The following DLGAP2 variants were observed in gnomAD, a reference collection of about 807,000 sequenced individuals.
The protein encoded by DLGAP2 is disks large-associated protein 2.
Under a neutral mutation model 100.3 loss-of-function variants are expected in DLGAP2, and 26 were observed. The ratio of observed to expected loss-of-function variants is 0.26; its 90% CI spans 0.19 to 0.36. The LOEUF is 0.36. Ranked by LOEUF, DLGAP2 falls within the 10% of genes least tolerant of loss-of-function variation. DLGAP2 has a pLI of 1.00. For synonymous variants in DLGAP2, 886 were observed against 630.1 expected (o/e 1.41, Z -6.08); for missense variants, 1,858 against 1,453.2 (o/e 1.28, Z -4.53).
intron 2 of DLGAP2, among the ~76,000 whole-genome samples, chr8:1,038,640 T>G (rs891880506): frequency 3.3e-5 from 5 of 152,256 alleles, no homozygotes; most frequent in Non-Finnish European, 7.3e-5. Context: ...GGTTAGCACT[T>G]TAATTTCACA....
At chr8:1,664,224 G>T (rs111415947) in intron 8 of DLGAP2, among the ~76,000 whole-genome samples, 2,142 of 152,196 alleles carry the variant, frequency 0.014, 19 homozygotes, top group South Asian at 0.023. Context: ...CCCTTCCTGT[G>T]GTGGCATCGG....
intron 3 of DLGAP2, among the ~76,000 whole-genome samples, chr8:1,318,555 G>A (rs1157993651): frequency 1.3e-5 from 2 of 151,098 alleles, no homozygotes; most frequent in Non-Finnish European, 2.9e-5. Flanking sequence ...CTGTTGTCAG[G>A]GCCGGTTCGT....
intron 2 of DLGAP2, among the ~76,000 whole-genome samples, chr8:1,046,642 A>C (rs1802524036): frequency 6.6e-6 from 1 of 152,212 alleles, no homozygotes; most frequent in African/African-American, 2.4e-5. Context: ...CACGTTGAAA[A>C]GGGGGATAAG....
At chr8:1,591,089 A>G (rs980731955) in intron 6 of DLGAP2, among the ~76,000 whole-genome samples, 1 of 152,240 alleles carries the variant, frequency 6.6e-6, no homozygotes, top group Admixed American at 6.5e-5. Context: ...CGGCAGCTGC[A>G]GAACTGGGTG....
chr8:1,324,089 C>T (rs570605516), intron 3 of DLGAP2, among the ~76,000 whole-genome samples: 1 of 152,190 alleles, frequency 6.6e-6, no homozygotes, highest in Non-Finnish European at 1.5e-5. Context: ...TCTAGGGCCT[C>T]TGGCTTAGTG....
chr8:1,267,635 A>AAAATAAAAAT lies in DLGAP2; in HGVS notation c.106+8752_106+8753insAAATAAAAAT, dbSNP rs1563052144. Among the ~76,000 whole-genome samples, 159 of 113,012 alleles carry AAAATAAAAAT rather than the reference A, an allele frequency of 1.4e-3. 16 individuals are homozygous for AAAATAAAAAT. Among genetic ancestry groups the AAAATAAAAAT allele is most frequent in the African/African-American group, 5.3e-3 (149 of 28,168 alleles). 74.1% of individuals were successfully genotyped at this position (113,012 alleles called of 152,430 possible). A position where few individuals can be genotyped will look rare whatever the true frequency, so the allele number is the denominator to read the frequency against. On this transcript the variant is annotated intron_variant, in intron 3 of 14. Transcript: ENST00000637795. ...AGATAAGATAAGATAAATATTAAAT[A>AAAATAAAAAT]GGTCTACAAAAAGGCCTCCAGGGTC...
chr8:1,572,998 CTTCTG>C lies in DLGAP2; in HGVS notation c.1442+7105_1442+7109del, dbSNP rs1232239837. On this transcript the variant is annotated intron_variant, in intron 6 of 14. Transcript: ENST00000637795. ...GAGAGAGGGTGAACTGGAGGGGCGT[CTTCTG>C]GGATGGAGAGGAGAGAGGGTGGACT... Among the ~76,000 whole-genome samples the C allele has an allele frequency of 6.9e-5, 6 of 87,530 alleles. No homozygotes were observed. In the South Asian group the frequency reaches 1.6e-3, roughly 23 times the overall value. 57.4% of individuals were successfully genotyped at this position (87,530 alleles called of 152,430 possible).
chr8:1,689,659 A>G (rs1229726766), intron 12 of DLGAP2, among the ~76,000 whole-genome samples: 3 of 152,126 alleles, frequency 2.0e-5, no homozygotes, highest in Non-Finnish European at 4.4e-5. Flanking sequence ...AGCAGGTGGA[A>G]TCATCAGCTT....
At chr8:762,639 C>T (rs1048506420) in intron 1 of DLGAP2, among the ~76,000 whole-genome samples, 12 of 151,990 alleles carry the variant, frequency 7.9e-5, no homozygotes, top group Non-Finnish European at 1.0e-4. Context: ...TCTTGAGGTC[C>T]ACTGAATACA....
chr8:1,074,890 G>T (rs1350763755), intron 2 of DLGAP2, among the ~76,000 whole-genome samples: 1 of 152,154 alleles, frequency 6.6e-6, no homozygotes, highest in Non-Finnish European at 1.5e-5. Context: ...GGTCCTGCAT[G>T]GGGTCAACCC....
At chr8:821,944 C>T (rs1229704699) in intron 1 of DLGAP2, 1 of 390,780 alleles carries the variant, frequency 2.6e-6, no homozygotes, top group Non-Finnish European at 4.5e-6. Context: ...AGTTTCTGTG[C>T]CTACTTCTTC....
At chr8:881,794 G>A (rs1364297600) in intron 1 of DLGAP2, among the ~76,000 whole-genome samples, 1 of 151,754 alleles carries the variant, frequency 6.6e-6, no homozygotes, top group Non-Finnish European at 1.5e-5. Context: ...TGGGATTACA[G>A]GTGTGAGCCA....
At chr8:1,190,676 C>G (rs960965991) in intron 2 of DLGAP2, among the ~76,000 whole-genome samples, 1 of 152,148 alleles carries the variant, frequency 6.6e-6, no homozygotes, top group Non-Finnish European at 1.5e-5. Flanking sequence ...CTCATCCTCC[C>G]AACCCCGTGT....
At chr8:1,557,552 C>T (rs575791547) in intron 5 of DLGAP2, among the ~76,000 whole-genome samples, 4 of 152,222 alleles carry the variant, frequency 2.6e-5, no homozygotes, top group Admixed American at 6.5e-5. Flanking sequence ...AAGGAGTGGC[C>T]GTCCTGCCTT....
intron 2 of DLGAP2, among the ~76,000 whole-genome samples, chr8:977,755 T>G (rs1800206419): frequency 7.3e-6 from 1 of 136,896 alleles, no homozygotes; most frequent in African/African-American, 2.6e-5. Flanking sequence ...GGGGCTGGGT[T>G]CTGGTCTTTG....
At chr8:1,304,204 C>G (rs1208663976) in intron 3 of DLGAP2, among the ~76,000 whole-genome samples, 1 of 152,202 alleles carries the variant, frequency 6.6e-6, no homozygotes, top group Admixed American at 6.5e-5. Flanking sequence ...GAGCTGACAG[C>G]TTTTGTGTCC....
chr8:853,961 T>TG lies in DLGAP2; in HGVS notation c.19-53951_19-53950insG, dbSNP rs1232887150. Reference sequence around the variant, plus strand: ...GCCACAGGTGGGATAAGTGCCTTTTTAAAAGGGACCTGAGAGAGCTCCCTG... The same window carrying TG: ...GCCACAGGTGGGATAAGTGCCTTTTTGAAAAGGGACCTGAGAGAGCTCCCTG... On this transcript the variant is annotated intron_variant, in intron 1 of 14. Coordinates refer to ENST00000637795, the MANE Select transcript of DLGAP2 (RefSeq NM_001346810.2). 3.3e-5 allele frequency among the ~76,000 whole-genome samples: 5 copies of TG among 152,176 alleles called. No individual in the cohort carries two copies. The South Asian group carries it at 8.3e-4, about 25-fold the overall frequency.
At chr8:1,057,631 T>C (rs1357625126) in intron 2 of DLGAP2, among the ~76,000 whole-genome samples, 2 of 152,244 alleles carry the variant, frequency 1.3e-5, no homozygotes, top group Non-Finnish European at 2.9e-5. Flanking sequence ...TTCTGGAGAA[T>C]GTAAGCAGGG....
At chr8:1,417,944 A>G (rs1423087605) in intron 3 of DLGAP2, among the ~76,000 whole-genome samples, 1 of 151,960 alleles carries the variant, frequency 6.6e-6, no homozygotes, top group Non-Finnish European at 1.5e-5. Context: ...GCTACCACTG[A>G]CATTCGTCTG....
Sources: allele counts gnomAD v4.1 joint callset (sites outside exome capture counted in the v4.1 genomes callset), GRCh38; gene constraint gnomAD v4.1.1; transcripts MANE v1.5; gene names NCBI Gene and HGNC (gene_info 2026-07-23, HGNC 2026-07-21).